GREM2: variants seen among roughly 807,000 people sequenced by gnomAD.
The protein encoded by GREM2 is gremlin-2.
GREM2 carries 11 observed loss-of-function variants against 14.2 expected under a neutral mutation model. The observed-to-expected ratio is 0.78, with a 90% CI of 0.49 to 1.28. GREM2 has a LOEUF of 1.28. Among genes scored for constraint, GREM2 ranks in the 50% most tolerant of loss-of-function variants. The pLI, the probability that GREM2 is intolerant of heterozygous loss-of-function variation, is 0.00. For synonymous variants in GREM2, 98 were observed against 97.6 expected (o/e 1.00, Z -0.02); for missense variants, 210 against 218.5 (o/e 0.96, Z 0.24).
At chr1:240,584,719 A>C (rs907573753) in intron 1 of GREM2, among the ~76,000 whole-genome samples, 4 of 152,170 alleles carry the variant, frequency 2.6e-5, no homozygotes, top group African/African-American at 9.6e-5. Flanking sequence ...CAAAATAAAG[A>C]AATAAAAAGC....
chr1:240,578,978 C>T (rs1450348688), intron 1 of GREM2, among the ~76,000 whole-genome samples: 1 of 152,094 alleles, frequency 6.6e-6, no homozygotes, highest in Non-Finnish European at 1.5e-5. Context: ...AAGGAAAACA[C>T]CTTCACATTC....
At chr1:240,558,468 T>TG (rs1259726244) in intron 1 of GREM2, among the ~76,000 whole-genome samples, 5 of 151,682 alleles carry the variant, frequency 3.3e-5, no homozygotes, top group Non-Finnish European at 7.4e-5. Flanking sequence ...ATTAAATTAA[T>TG]GGAAAAATGA....
At chr1:240,539,808 A>T (rs1678547310) in intron 1 of GREM2, among the ~76,000 whole-genome samples, 2 of 152,126 alleles carry the variant, frequency 1.3e-5, no homozygotes, top group African/African-American at 4.8e-5. Context: ...AATTGCAAAT[A>T]CTGGAAACCA....
chr1:240,510,222 G>C (rs6703724), intron 1 of GREM2, among the ~76,000 whole-genome samples: 1 of 151,296 alleles, frequency 6.6e-6, no homozygotes, highest in South Asian at 2.1e-4. Context: ...ACAAAGAAAT[G>C]AGCCGGGCGT....
At chr1:240,579,704 T>A (rs7517193) in intron 1 of GREM2, among the ~76,000 whole-genome samples, 59,513 of 152,014 alleles carry the variant, frequency 0.39, 16,221 homozygotes, top group African/African-American at 0.77. Flanking sequence ...GTGCCAACGG[T>A]TTCTGTCTGG....
At chr1:240,578,256 GCTGGGA>G (rs1327025881) in intron 1 of GREM2, among the ~76,000 whole-genome samples, 1 of 152,010 alleles carries the variant, frequency 6.6e-6, no homozygotes, top group Non-Finnish European at 1.5e-5. Flanking sequence ...CTTCCGAGTA[GCTGGGA>G]CTACAGGCGC....
At chr1:240,592,979 CA>C (rs59141248) in intron 1 of GREM2, among the ~76,000 whole-genome samples, 44,391 of 131,266 alleles carry the variant, frequency 0.34, 6,796 homozygotes, top group Middle Eastern at 0.4. Context: ...ATTAAAACTA[CA>C]AAAAAAAAAA....
intron 1 of GREM2, among the ~76,000 whole-genome samples, chr1:240,595,007 G>A (rs915231197): frequency 6.6e-6 from 1 of 152,094 alleles, no homozygotes; most frequent in African/African-American, 2.4e-5. Context: ...AGTTTGTCTT[G>A]ACCAAAATGT....
At chr1:240,556,430 T>C (rs1363395610) in intron 1 of GREM2, among the ~76,000 whole-genome samples, 1 of 152,210 alleles carries the variant, frequency 6.6e-6, no homozygotes, top group Non-Finnish European at 1.5e-5. Context: ...AGTCTACTTA[T>C]TAGTCTTGCC....
chr1:240,609,812 A>G (rs1436797411), intron 1 of GREM2, among the ~76,000 whole-genome samples: 1 of 152,154 alleles, frequency 6.6e-6, no homozygotes, highest in Non-Finnish European at 1.5e-5. Context: ...GTCTAATACC[A>G]TTCCTTTGCA....
At chr1:240,547,577 G>A (rs1678767717) in intron 1 of GREM2, among the ~76,000 whole-genome samples, 1 of 145,070 alleles carries the variant, frequency 6.9e-6, no homozygotes, top group Non-Finnish European at 1.5e-5. Flanking sequence ...ATGAATGGAA[G>A]TTCTAAAGAT....
At chr1:240,521,303 T>C (rs1458787892) in intron 1 of GREM2, among the ~76,000 whole-genome samples, 1 of 152,176 alleles carries the variant, frequency 6.6e-6, no homozygotes, top group African/African-American at 2.4e-5. Flanking sequence ...GCGCGGTGGC[T>C]CACGCCTGTA....
intron 1 of GREM2, among the ~76,000 whole-genome samples, chr1:240,603,935 C>G (rs2102873090): frequency 6.6e-6 from 1 of 151,614 alleles, no homozygotes; most frequent in Admixed American, 6.6e-5. Flanking sequence ...TTATTTGACT[C>G]ACAGCTCTGC....
At position 240,578,326 on chromosome 1, in the gene GREM2, G is replaced by A. The variant is rs180783127; in HGVS notation, c.-2+33558C>T. Among the ~76,000 whole-genome samples the A allele has an allele frequency of 4.7e-3, 709 of 151,896 alleles. 9 individuals carry two copies. The highest frequency in any genetic ancestry group is 0.015 in the African/African-American group (619 of 41,456). On this transcript the variant is annotated intron_variant, in intron 1 of 1. Transcript: ENST00000318160. ...TTTTTAGTAGAGATGGGGTTTTACC[G>A]TGTTGGCCAGGCTGGTCTTGAACTC...
intron 1 of GREM2, among the ~76,000 whole-genome samples, chr1:240,583,596 C>G (rs552460439): frequency 1.4e-5 from 2 of 145,714 alleles, no homozygotes; most frequent in Non-Finnish European, 3.0e-5. Flanking sequence ...CTTCATCTTA[C>G]TCATCTCTAT....
intron 1 of GREM2, among the ~76,000 whole-genome samples, chr1:240,600,060 G>A (rs1679892380): frequency 6.6e-6 from 1 of 152,114 alleles, no homozygotes; most frequent in South Asian, 2.1e-4. Context: ...CGTTGGTTTA[G>A]GGTCAGCCTA....
chr1:240,503,763 C>G (rs138452040), intron 1 of GREM2, among the ~76,000 whole-genome samples: 1 of 152,142 alleles, frequency 6.6e-6, no homozygotes, highest in Non-Finnish European at 1.5e-5. Context: ...CTTTGTGAAA[C>G]CATACATGTT....
chr1:240,527,860 G>A lies in GREM2; in HGVS notation c.-1-34384C>T, dbSNP rs553323504. 3.9e-5 allele frequency among the ~76,000 whole-genome samples: 6 copies of A among 152,314 alleles called. No individual in the cohort carries two copies. In the South Asian group the frequency reaches 1.0e-3, roughly 26 times the overall value. The stretch of plus-strand genomic sequence containing the variant: ...CTATCTTTGTTTATTCCACCACGCA[G>A]TATGTAAAATTACAAAACAAACAAA... On this transcript the variant is annotated intron_variant, in intron 1 of 1. Coordinates refer to ENST00000318160, the MANE Select transcript of GREM2 (RefSeq NM_022469.4).
chr1:240,556,231 G>A (rs567450530), intron 1 of GREM2, among the ~76,000 whole-genome samples: 40 of 152,276 alleles, frequency 2.6e-4, no homozygotes, highest in African/African-American at 8.7e-4. Flanking sequence ...GCAAATGTTC[G>A]AAGAGTGAAA....
Sources: allele counts gnomAD v4.1 joint callset (sites outside exome capture counted in the v4.1 genomes callset), GRCh38; gene constraint gnomAD v4.1.1; transcripts MANE v1.5; gene names NCBI Gene and HGNC (gene_info 2026-07-23, HGNC 2026-07-21).